ANKRD36C: variants seen among roughly 807,000 people sequenced by gnomAD.
ANKRD36C encodes the protein ankyrin repeat domain 36C.
A neutral mutation model predicts 276.4 loss-of-function variants in ANKRD36C; 61 were observed. The ratio of observed to expected loss-of-function variants is 0.22; its 90% CI spans 0.18 to 0.27. The LOEUF (loss-of-function observed/expected upper bound fraction) is 0.27. Among genes scored for constraint, ANKRD36C ranks in the 10% least tolerant of loss-of-function variants. The pLI, the probability that ANKRD36C is intolerant of heterozygous loss-of-function variation, is 1.00. For missense variants in ANKRD36C, 1,447 were observed against 2,032.3 expected (o/e 0.71, Z 5.54); for synonymous variants, 483 against 680.1 (o/e 0.71, Z 4.51).
intron 34 of ANKRD36C, among the ~76,000 whole-genome samples, chr2:95,918,434 G>A (rs1210886963): frequency 2.6e-5 from 4 of 151,560 alleles, no homozygotes; most frequent in Admixed American, 6.6e-5. Context: ...AAATCAAAAG[G>A]ATTTACACCA....
At chr2:95,910,028 G>A (rs150381726) in intron 42 of ANKRD36C, among the ~76,000 whole-genome samples, 3,792 of 150,852 alleles carry the variant, frequency 0.025, 177 homozygotes, top group African/African-American at 0.088. Context: ...ACGATGTGAC[G>A]TCTGTAAAAT....
At chr2:95,986,060 C>A (rs1209279739) in intron 3 of ANKRD36C, among the ~76,000 whole-genome samples, 3 of 152,026 alleles carry the variant, frequency 2.0e-5, no homozygotes, top group Admixed American at 2.0e-4. Context: ...AAAATTGATC[C>A]CTGGGCAATT....
At position 95,953,926 on chromosome 2, in the gene ANKRD36C, G is replaced by C. The variant is rs1678263241; in HGVS notation, c.1203+13C>G. 1 of 1,525,592 alleles carries C rather than the reference G, an allele frequency of 6.6e-7. No individual in the cohort carries two copies. Among genetic ancestry groups the C allele is most frequent in the Non-Finnish European group, 8.8e-7 (1 of 1,141,978 alleles). The allele number at this position is 1,525,592 out of a possible 1,614,324, so 94.5% of individuals were successfully genotyped here. ...CAGAGTGAGAAAATTAATTTCACAA[G>C]AGAGTACTCTACCTCAGATTCCAAA... On this transcript the variant is annotated intron_variant, in intron 14 of 66. Transcript: ENST00000456556.
intron 38 of ANKRD36C, 94 bp downstream of exon 40, chr2:95,915,886 T>G: frequency 6.9e-7 from 1 of 1,442,458 alleles, no homozygotes; most frequent in Non-Finnish European, 9.4e-7. Flanking sequence ...TGAATCAGAA[T>G]GTGCAGCTTC....
At chr2:95,874,506 T>G (rs925974587) in intron 59 of ANKRD36C, among the ~76,000 whole-genome samples, 10 of 152,350 alleles carry the variant, frequency 6.6e-5, no homozygotes, top group Admixed American at 2.0e-4. Flanking sequence ...ATCCCTTCCT[T>G]ACACCTTATA....
At chr2:95,954,809 A>G (rs1034688535) in intron 13 of ANKRD36C, among the ~76,000 whole-genome samples, 1 of 151,788 alleles carries the variant, frequency 6.6e-6, no homozygotes, top group Non-Finnish European at 1.5e-5. Flanking sequence ...TCTCCCTCCT[A>G]AGTACTTATA....
intron 16 of ANKRD36C, among the ~76,000 whole-genome samples, chr2:95,949,098 A>G (rs1282124101): frequency 6.6e-6 from 1 of 152,156 alleles, no homozygotes; most frequent in Non-Finnish European, 1.5e-5. Flanking sequence ...GATCTTCAGC[A>G]TGTAAGCTAC....
rs1408682788 is a variant in ANKRD36C at position 95,884,387 on chromosome 2, A to G, written c.3164-19T>C. Reference sequence around the variant, plus strand: ...GAAGACACTGAAAAGCAAAAGGGATACATAATCACCCACATGCACGTATGA... The same window carrying G: ...GAAGACACTGAAAAGCAAAAGGGATGCATAATCACCCACATGCACGTATGA... On this transcript the variant is annotated intron_variant, in intron 52 of 66. Coordinates refer to ENST00000456556, the Ensembl canonical transcript of ANKRD36C. 6.2e-7 allele frequency: 1 copy of G among 1,610,774 alleles called. No homozygotes were observed. Among genetic ancestry groups the G allele is most frequent in the South Asian group, 1.1e-5 (1 of 90,956 alleles).
chr2:95,966,057 G>A (rs1678584583), intron 6 of ANKRD36C, among the ~76,000 whole-genome samples: 2 of 152,008 alleles, frequency 1.3e-5, no homozygotes, highest in South Asian at 4.2e-4. Flanking sequence ...TGCCTTAAAG[G>A]CTATGTCTAC....
At chr2:95,971,368 T>C (rs910828491) in intron 6 of ANKRD36C, among the ~76,000 whole-genome samples, 22 of 146,270 alleles carry the variant, frequency 1.5e-4, no homozygotes, top group Non-Finnish European at 2.9e-4. Context: ...TTGTAACAAA[T>C]GTACCACTCA....
intron 10 of ANKRD36C, 96 bp downstream of exon 10, chr2:95,960,377 T>C (rs71250565): frequency 7.2e-5 from 103 of 1,422,594 alleles, no homozygotes; most frequent in Admixed American, 4.5e-4. Context: ...AATCAGAATG[T>C]GCAGCTTCAA....
intron 36 of ANKRD36C, among the ~76,000 whole-genome samples, chr2:95,917,582 C>T (rs986066535): frequency 6.6e-6 from 1 of 151,500 alleles, no homozygotes; most frequent in Non-Finnish European, 1.5e-5. Context: ...ATGCTGTTCC[C>T]CAGAGCCCCT....
At chr2:95,965,128 C>T (rs199655253) in intron 6 of ANKRD36C, among the ~76,000 whole-genome samples, 1 of 151,510 alleles carries the variant, frequency 6.6e-6, no homozygotes, top group African/African-American at 2.4e-5. Flanking sequence ...AGCAGAGTGC[C>T]ATGAGACAGC....
intron 12 of ANKRD36C, among the ~76,000 whole-genome samples, chr2:95,957,188 C>A (rs557136786): frequency 1.3e-5 from 2 of 152,426 alleles, no homozygotes; most frequent in South Asian, 4.1e-4. Context: ...GTGGTGCACA[C>A]CTCTAAACTC....
chr2:95,857,349 G>A lies in ANKRD36C; in HGVS notation c.4040C>T (p.Ala1347Val), dbSNP rs529355341. 1.3e-4 allele frequency: 207 copies of A among 1,604,766 alleles called. 4 individuals carry two copies. The South Asian group carries it at 1.5e-3, about 12-fold the overall frequency. ...TCCTCCTGTCTTCAATTCCACCTCT[G>A]CTGATTTGAGAGCCGGTTTAATTGG... Residue 1347 changes from alanine (A) to valine (V), a missense_variant, in exon 62 of 67, where the codon GCA becomes GTA. Ala to Val is a moderately conservative substitution (Grantham distance 64). Transcript: ENST00000456556.
chr2:95,892,649 T>C (rs1325977774), intron 44 of ANKRD36C, among the ~76,000 whole-genome samples: 2 of 151,520 alleles, frequency 1.3e-5, no homozygotes, highest in Non-Finnish European at 3.0e-5. Flanking sequence ...ACTGCAATAT[T>C]CACTATAAAT....
At chr2:95,894,506 C>G (rs1472916908) in intron 44 of ANKRD36C, among the ~76,000 whole-genome samples, 1 of 151,358 alleles carries the variant, frequency 6.6e-6, no homozygotes, top group Non-Finnish European at 1.5e-5. Flanking sequence ...AGAAATCATT[C>G]CAATATTCAT....
chr2:95,869,451 C>CTTTAGT lies in ANKRD36C; in HGVS notation c.3541-1871_3541-1870insACTAAA, dbSNP rs1355396271. On this transcript the variant is annotated intron_variant, in intron 59 of 66. Transcript: ENST00000456556. ...GAGTGCTTTTTCCTAATATTACTAA[C>CTTTAGT]TAATGATTAGGCAAACTTTAAATTA... Among the ~76,000 whole-genome samples, 5 of 152,170 alleles carry CTTTAGT rather than the reference C, an allele frequency of 3.3e-5. No homozygotes were observed. The Middle Eastern group carries it at 9.5e-3, about 289-fold the overall frequency.
At chr2:95,954,713 C>G (rs1485884492) in intron 13 of ANKRD36C, among the ~76,000 whole-genome samples, 1 of 152,138 alleles carries the variant, frequency 6.6e-6, no homozygotes, top group Non-Finnish European at 1.5e-5. Context: ...TTATATAGAT[C>G]CTGCTTTATT....
Sources: allele counts gnomAD v4.1 joint callset (sites outside exome capture counted in the v4.1 genomes callset), GRCh38; gene constraint gnomAD v4.1.1; transcripts MANE v1.5; gene names NCBI Gene and HGNC (gene_info 2026-07-23, HGNC 2026-07-21).